Variants in PRKD1 observed in about 807,000 individuals in gnomAD.
PRKD1 encodes the protein protein kinase D1.
A neutral mutation model predicts 95.9 loss-of-function variants in PRKD1; 63 were observed. That is an observed-to-expected ratio of 0.66 (90% CI 0.54 to 0.81). PRKD1 has a LOEUF of 0.81. Among genes scored for constraint, PRKD1 ranks in the 30% least tolerant of loss-of-function variants. The pLI, the probability that PRKD1 is intolerant of heterozygous loss-of-function variation, is 0.00. For synonymous variants in PRKD1, 425 were observed against 423.1 expected, an observed-to-expected ratio of 1.00 and a Z score of -0.05; for missense variants, 1,048 against 1,165.3, an observed-to-expected ratio of 0.90 and a Z score of 1.47.
chr14:29,803,041 G>A (rs1021450923), intron 1 of PRKD1, among the ~76,000 whole-genome samples: 1 of 152,178 alleles, frequency 6.6e-6, no homozygotes, highest in African/African-American at 2.4e-5. Context: ...ACATGAGACA[G>A]GCCAGGTCAA....
intron 1 of PRKD1, among the ~76,000 whole-genome samples, chr14:29,825,291 C>T (rs1891066535): frequency 6.6e-6 from 1 of 151,912 alleles, no homozygotes; most frequent in Non-Finnish European, 1.5e-5. Flanking sequence ...GAGGTATGCT[C>T]AGAAAGGGGT....
At chr14:29,725,369 A>C (rs1886088456) in intron 2 of PRKD1, among the ~76,000 whole-genome samples, 167 bp downstream of exon 2, 1 of 152,196 alleles carries the variant, frequency 6.6e-6, no homozygotes, top group African/African-American at 2.4e-5. Context: ...CAGCCAATTA[A>C]AGGGAAACCT....
chr14:29,889,076 G>C (rs139392209), intron 1 of PRKD1, among the ~76,000 whole-genome samples: 1 of 152,058 alleles, frequency 6.6e-6, no homozygotes, highest in Non-Finnish European at 1.5e-5. Flanking sequence ...TAACAGCATT[G>C]GTCCTCTAGT....
chr14:29,701,640 A>C (rs556357612), intron 2 of PRKD1, among the ~76,000 whole-genome samples: 1 of 152,222 alleles, frequency 6.6e-6, no homozygotes, highest in African/African-American at 2.4e-5. Context: ...AGTGGTAGTC[A>C]ATACTTTTTC....
At chr14:29,871,342 C>A (rs1038014037) in intron 1 of PRKD1, among the ~76,000 whole-genome samples, 2 of 152,148 alleles carry the variant, frequency 1.3e-5, no homozygotes, top group African/African-American at 4.8e-5. Context: ...AAAAACTATA[C>A]AATTTGACTT....
chr14:29,690,109 C>A (rs528824544), intron 2 of PRKD1, among the ~76,000 whole-genome samples: 5 of 152,104 alleles, frequency 3.3e-5, no homozygotes, highest in Admixed American at 2.6e-4. Context: ...GCACATGTAT[C>A]CCGGAACTTA....
In PRKD1 at chr14:29,927,231, A is replaced by C. The variant is rs369762999; in HGVS notation, c.264+18T>G. ...CGCCGCGGGGAGGCGCCGGGCTGGC[A>C]GCGGTGCGGCGACTTACCTTCTGGT... On this transcript the variant is annotated intron_variant, in intron 1 of 17. Coordinates refer to ENST00000331968, the MANE Select transcript of PRKD1 (RefSeq NM_002742.3). 5.8e-4 allele frequency: 856 copies of C among 1,479,748 alleles called. 2 individuals are homozygous for C. In the African/African-American group the frequency reaches 0.011, roughly 19 times the overall value. The allele number at this position is 1,479,748 out of a possible 1,614,324, so 91.7% of individuals were successfully genotyped here. A position where few individuals can be genotyped will look rare whatever the true frequency, so the allele number is the denominator to read the frequency against.
chr14:29,606,543 T>C (rs1223429716), intron 13 of PRKD1, among the ~76,000 whole-genome samples: 1 of 152,202 alleles, frequency 6.6e-6, no homozygotes, highest in African/African-American at 2.4e-5. Context: ...GAGACTTGTA[T>C]TTATTTAATA....
chr14:29,702,046 A>G (rs1884867648), intron 2 of PRKD1, among the ~76,000 whole-genome samples: 1 of 152,140 alleles, frequency 6.6e-6, no homozygotes, highest in Non-Finnish European at 1.5e-5. Flanking sequence ...AAGAACTAAA[A>G]TGTTTATGTT....
intron 16 of PRKD1, among the ~76,000 whole-genome samples, chr14:29,580,433 T>C (rs545669914): frequency 6.6e-6 from 1 of 152,064 alleles, no homozygotes; most frequent in South Asian, 2.1e-4. Context: ...AAGGAGAGAA[T>C]TAGAGGAGAA....
chr14:29,648,279 TA>T (rs2139167611), intron 4 of PRKD1, among the ~76,000 whole-genome samples: 1 of 149,656 alleles, frequency 6.7e-6, no homozygotes, highest in East Asian at 2.0e-4. Context: ...AAATGATGTT[TA>T]ATAAAGAGCA....
chr14:29,805,912 T>C (rs1024441117), intron 1 of PRKD1, among the ~76,000 whole-genome samples: 1 of 152,170 alleles, frequency 6.6e-6, no homozygotes, highest in Non-Finnish European at 1.5e-5. Context: ...ACTTAAGTTA[T>C]GGCAAGATAA....
intron 1 of PRKD1, among the ~76,000 whole-genome samples, chr14:29,803,070 C>G (rs1470025338): frequency 1.3e-5 from 2 of 152,194 alleles, no homozygotes; most frequent in Non-Finnish European, 2.9e-5. Context: ...CAAGACTATC[C>G]TCTATATATC....
At chr14:29,777,472 A>T (rs1888818960) in intron 1 of PRKD1, among the ~76,000 whole-genome samples, 1 of 152,170 alleles carries the variant, frequency 6.6e-6, no homozygotes, top group African/African-American at 2.4e-5. Context: ...ATGGAAAACA[A>T]AAAAAAGCAG....
intron 1 of PRKD1, among the ~76,000 whole-genome samples, chr14:29,795,514 T>C (rs1395828625): frequency 6.6e-6 from 1 of 152,150 alleles, no homozygotes; most frequent in African/African-American, 2.4e-5. Flanking sequence ...AAACATTGTC[T>C]TTTCTTCAAT....
chr14:29,899,238 T>C (rs1894235983), intron 1 of PRKD1, among the ~76,000 whole-genome samples: 1 of 152,206 alleles, frequency 6.6e-6, no homozygotes, highest in Admixed American at 6.5e-5. Flanking sequence ...ACAAATTTCA[T>C]GAAATCATTC....
At chr14:29,751,648 A>G (rs1221626641) in intron 1 of PRKD1, among the ~76,000 whole-genome samples, 3 of 152,240 alleles carry the variant, frequency 2.0e-5, no homozygotes, top group African/African-American at 4.8e-5. Flanking sequence ...TTTCTATGAC[A>G]TATGGCTGAA....
chr14:29,734,796 A>G (rs188221096), intron 1 of PRKD1, among the ~76,000 whole-genome samples: 12 of 152,316 alleles, frequency 7.9e-5, no homozygotes, highest in Admixed American at 3.3e-4. Context: ...CTTTCTTTGT[A>G]TAAGTCCAAC....
At chr14:29,824,292 C>G (rs768912844) in intron 1 of PRKD1, among the ~76,000 whole-genome samples, 1 of 152,136 alleles carries the variant, frequency 6.6e-6, no homozygotes, top group Non-Finnish European at 1.5e-5. Context: ...AATGCTTGTC[C>G]AAGTTTCTAA....
Sources: gnomAD v4.1 joint callset for allele counts (sites outside exome capture counted in the v4.1 genomes callset) on GRCh38, gnomAD v4.1.1 for gene constraint, MANE v1.5 for transcripts, NCBI Gene and HGNC (gene_info 2026-07-23, HGNC 2026-07-21) for gene names.